LARP4: variants seen among roughly 807,000 people sequenced by gnomAD.
The protein encoded by LARP4 is la-related protein 4.
Under a neutral mutation model 92.9 loss-of-function variants are expected in LARP4, and 29 were observed. The observed-to-expected ratio is 0.31, with a 90% CI of 0.23 to 0.43. LARP4 has a LOEUF of 0.43. Ranked by LOEUF, LARP4 falls within the 20% of genes least tolerant of loss-of-function variation. The pLI is 1.00. For missense variants in LARP4, 732 were observed against 860.0 expected (o/e 0.85, Z 1.86); for synonymous variants, 279 against 284.1 (o/e 0.98, Z 0.18).
chr12:50,461,394 C>A, intron 11 of LARP4, 47 bp downstream of exon 11: 1 of 1,502,230 alleles, frequency 6.7e-7, no homozygotes. Context: ...ATGTGATCAT[C>A]CTGAATAATT....
At chr12:50,455,857 G>A (rs1035994895) in intron 10 of LARP4, among the ~76,000 whole-genome samples, 6 of 152,006 alleles carry the variant, frequency 3.9e-5, no homozygotes, top group Admixed American at 2.6e-4. Flanking sequence ...GAGCAGCCTG[G>A]GCAATATGAC....
intron 6 of LARP4, among the ~76,000 whole-genome samples, chr12:50,438,382 A>G (rs1593101423): frequency 1.3e-5 from 2 of 152,112 alleles, no homozygotes. Context: ...CTGTAATCCC[A>G]GCTACTTGAG....
chr12:50,427,684 G>A (rs868167416), intron 1 of LARP4, 78 bp from the exon 2 acceptor site: 26 of 924,636 alleles, frequency 2.8e-5, no homozygotes, highest in Middle Eastern at 3.9e-4. Flanking sequence ...TTAAGTAATG[G>A]AAAAGTGATT....
At chr12:50,433,600 A>G (rs965963684) in intron 4 of LARP4, among the ~76,000 whole-genome samples, 1 of 150,498 alleles carries the variant, frequency 6.6e-6, no homozygotes, top group Non-Finnish European at 1.5e-5. Context: ...TGCAAAAATT[A>G]TGTTTATAGT....
rs1480591174 is a variant in LARP4 at position 50,461,150 on chromosome 12, T to G, written c.1137T>G (p.Phe379Leu). 6.2e-7 allele frequency: 1 copy of G among 1,613,804 alleles called. No individual in the cohort carries two copies. Among genetic ancestry groups the G allele is most frequent in the African/African-American group, 1.3e-5 (1 of 75,052 alleles). The change falls in exon 11 of 16, where the codon TTT becomes TTG. Residue 379 changes from phenylalanine (F) to leucine (L), a missense_variant. Phe to Leu is a conservative substitution (Grantham distance 22). This residue lies in a region of LARP4 where 264 missense variants were observed against 269.5 expected (regional missense o/e 0.98). Coordinates refer to ENST00000398473, the MANE Select transcript of LARP4 (RefSeq NM_052879.5). The part of the protein sequence containing the change: ...PFQKNRVKPQ[F>L]RSSGGSEHST... ...TTTCCTATAGTGTGAAGCCTCAGTT[T>G]AGGTCATCTGGTGGTTCAGAACACT...
At chr12:50,406,693 A>T (rs1177876370) in intron 1 of LARP4, among the ~76,000 whole-genome samples, 1 of 151,984 alleles carries the variant, frequency 6.6e-6, no homozygotes, top group Non-Finnish European at 1.5e-5. Context: ...TGTGAAATAC[A>T]TATAACTTAA....
At chr12:50,450,428 G>C (rs890958482) in intron 8 of LARP4, among the ~76,000 whole-genome samples, 2 of 152,110 alleles carry the variant, frequency 1.3e-5, no homozygotes, top group African/African-American at 4.8e-5. Context: ...TTGTTTCTAA[G>C]CTTTTTTAGA....
Position 50,467,133 on chromosome 12 carries a change from C to T in LARP4, c.1545+13C>T, listed in dbSNP as rs1239642446. On this transcript the variant is annotated intron_variant, in intron 13 of 15. Coordinates refer to ENST00000398473, the MANE Select transcript of LARP4 (RefSeq NM_052879.5). Reference sequence around the variant, plus strand: ...CTACAAAGAAAAGGTAAACACCCAGCATCTGAGTCTTACCTTATGAGACCA... The same window carrying T: ...CTACAAAGAAAAGGTAAACACCCAGTATCTGAGTCTTACCTTATGAGACCA... The T allele has an allele frequency of 6.3e-7, 1 of 1,583,508 alleles. No individual in the cohort carries two copies. The highest frequency in any genetic ancestry group is 8.6e-7 in the Non-Finnish European group (1 of 1,156,462).
At chr12:50,468,245 T>C (rs754061532) in intron 13 of LARP4, among the ~76,000 whole-genome samples, 3 of 152,270 alleles carry the variant, frequency 2.0e-5, no homozygotes, top group African/African-American at 7.2e-5. Flanking sequence ...CCCAAAGTGC[T>C]GGAATTACAA....
At chr12:50,402,002 A>G (rs1943939866) in intron 1 of LARP4, among the ~76,000 whole-genome samples, 1 of 152,178 alleles carries the variant, frequency 6.6e-6, no homozygotes. Context: ...TCAAACCAGC[A>G]AAGCTGCAAC....
Position 50,400,886 on chromosome 12 carries a change from G to C in LARP4, c.-125G>C. On this transcript the variant is annotated 5_prime_UTR_variant, in exon 1 of 16. Coordinates refer to ENST00000398473, the MANE Select transcript of LARP4 (RefSeq NM_052879.5). ...CGCAGCGGCTGACGGCAGGGGAGGAGCCGGGTCCACTGCCGGGTGGAGGGG... is the reference window on the plus strand; with the variant it reads ...CGCAGCGGCTGACGGCAGGGGAGGACCCGGGTCCACTGCCGGGTGGAGGGG... The C allele has an allele frequency of 7.5e-7, 1 of 1,330,244 alleles. No homozygotes were observed. Among genetic ancestry groups the C allele is most frequent in the Non-Finnish European group, 1.1e-6 (1 of 921,742 alleles). The allele number at this position is 1,330,244 out of a possible 1,614,324, so 82.4% of individuals were successfully genotyped here.
chr12:50,457,542 G>A (rs887822274), intron 10 of LARP4, among the ~76,000 whole-genome samples: 1 of 152,134 alleles, frequency 6.6e-6, no homozygotes, highest in Admixed American at 6.6e-5. Context: ...TAGCCAGTGG[G>A]GTGGCTCATG....
At chr12:50,436,473 TAAG>T (rs1950483672) in intron 5 of LARP4, among the ~76,000 whole-genome samples, 1 of 152,170 alleles carries the variant, frequency 6.6e-6, no homozygotes, top group African/African-American at 2.4e-5. Context: ...TAAACCCAAA[TAAG>T]AAGTACATTT....
chr12:50,421,281 GA>G (rs1391767481), intron 1 of LARP4: 8 of 984,404 alleles, frequency 8.1e-6, no homozygotes, highest in Non-Finnish European at 9.6e-6. Context: ...GCTCTGGTTT[GA>G]AAAAATCAGT....
At chr12:50,466,335 C>T (rs760561273) in intron 12 of LARP4, among the ~76,000 whole-genome samples, 15 of 151,948 alleles carry the variant, frequency 9.9e-5, no homozygotes, top group African/African-American at 2.7e-4. Flanking sequence ...TGGTGATGGG[C>T]GGGCACAGTT....
At chr12:50,427,931 A>C (rs1565992787) in intron 2 of LARP4, 22 bp downstream of exon 2, 2 of 1,528,964 alleles carry the variant, frequency 1.3e-6, no homozygotes, top group East Asian at 4.6e-5. Flanking sequence ...ATATTTGGTC[A>C]TAAAAATCAC....
At chr12:50,437,137 C>T (rs1254483129) in intron 5 of LARP4, among the ~76,000 whole-genome samples, 1 of 152,164 alleles carries the variant, frequency 6.6e-6, no homozygotes, top group Admixed American at 6.6e-5. Flanking sequence ...ATATTAACTC[C>T]ATGAAGGGAC....
At chr12:50,422,074 A>AT (rs976558775) in intron 1 of LARP4, among the ~76,000 whole-genome samples, 8 of 150,820 alleles carry the variant, frequency 5.3e-5, no homozygotes, top group African/African-American at 1.5e-4. Context: ...GGTTCAAGTG[A>AT]TTCTCCTGCC....
At chr12:50,457,800 C>A (rs1233375497) in intron 10 of LARP4, among the ~76,000 whole-genome samples, 1 of 121,152 alleles carries the variant, frequency 8.3e-6, no homozygotes, top group Non-Finnish European at 1.7e-5. Context: ...GGTGACACAG[C>A]CAGACCTTTC....
Sources: allele counts gnomAD v4.1 joint callset (sites outside exome capture counted in the v4.1 genomes callset), GRCh38; gene constraint gnomAD v4.1.1; regional missense constraint gnomAD v4.1.1; transcripts MANE v1.5; gene names NCBI Gene and HGNC (gene_info 2026-07-23, HGNC 2026-07-21).